LIMCH1: variants seen among roughly 807,000 people sequenced by gnomAD.
LIMCH1 encodes the protein LIM and calponin homology domains 1, also known as LIM and calponin homology domains-containing protein 1.
LIMCH1 carries 113 observed loss-of-function variants against 176.5 expected under a neutral mutation model. The observed-to-expected ratio is 0.64, with a 90% CI of 0.55 to 0.75. The LOEUF (loss-of-function observed/expected upper bound fraction) is 0.75, where lower values mean the gene tolerates loss of function less well. LIMCH1 is among the 30% of genes least tolerant of loss of function. The probability of loss-of-function intolerance (pLI) is 0.00; values close to 1 mark genes in which losing one functional copy is unlikely to be tolerated. For synonymous variants in LIMCH1, 619 were observed against 645.9 expected (o/e 0.96, Z 0.63); for missense variants, 1,674 against 1,814.9 (o/e 0.92, Z 1.41).
At position 41,403,556 on chromosome 4, in the gene LIMCH1, G is replaced by C. The variant is rs138789875; in HGVS notation, c.96+42620G>C. On this transcript the variant is annotated intron_variant, in intron 1 of 26. Coordinates refer to the LIMCH1 transcript ENST00000313860. ...AGATTGTGCCACTGCACTCCAGCCT[G>C]GGTGACACAGTGAGACTCAGTCTCA... Among the ~76,000 whole-genome samples the C allele has an allele frequency of 3.5e-3, 536 of 152,232 alleles. 4 individuals carry two copies. The highest frequency in any genetic ancestry group is 0.012 in the African/African-American group (495 of 41,526).
At chr4:41,420,674 C>T (rs994254130) in intron 1 of LIMCH1, among the ~76,000 whole-genome samples, 3 of 152,204 alleles carry the variant, frequency 2.0e-5, no homozygotes, top group Non-Finnish European at 4.4e-5. Context: ...GCAGGGCCAA[C>T]GTGCTGGCCT....
intron 1 of LIMCH1, among the ~76,000 whole-genome samples, chr4:41,590,534 A>T (rs969585702): frequency 6.6e-6 from 1 of 152,142 alleles, no homozygotes; most frequent in African/African-American, 2.4e-5. Context: ...CCTAAAGAAC[A>T]GTCTAGATCT....
chr4:41,687,710 C>T, intron 28 of LIMCH1, 130 bp from the exon 29 acceptor site: 1 of 566,730 alleles, frequency 1.8e-6, no homozygotes, highest in Non-Finnish European at 3.2e-6. Context: ...CCAGGAAATG[C>T]TGTGGTCTTT....
intron 18 of LIMCH1, among the ~76,000 whole-genome samples, chr4:41,656,077 G>T (rs890279353): frequency 6.6e-6 from 1 of 152,170 alleles, no homozygotes; most frequent in Non-Finnish European, 1.5e-5. Flanking sequence ...CACCTATTGG[G>T]TATCTAAACT....
rs779445737 is a variant in LIMCH1 at position 41,646,942 on chromosome 4, G to A, written c.2820+49G>A. 5 of 1,497,426 alleles carry A rather than the reference G, an allele frequency of 3.3e-6. No homozygotes were observed. The East Asian group carries it at 1.1e-4, about 34-fold the overall frequency. 92.8% of individuals were successfully genotyped at this position (1,497,426 alleles called of 1,614,324 possible). A position where few individuals can be genotyped will look rare whatever the true frequency, so the allele number is the denominator to read the frequency against. On this transcript the variant is annotated intron_variant, in intron 17 of 31. Transcript: ENST00000503057. ...GAACCAAAGCTGAACTCCAGGGAGT[G>A]GATGGAAAGAAGCATCATGACTCAA...
At chr4:41,580,945 A>T (rs2085304145) in intron 1 of LIMCH1, among the ~76,000 whole-genome samples, 2 of 152,190 alleles carry the variant, frequency 1.3e-5, no homozygotes, top group Admixed American at 1.3e-4. Context: ...AATATAAATG[A>T]TCAAAATTGA....
chr4:41,515,097 G>A (rs2075410562), intron 2 of LIMCH1, among the ~76,000 whole-genome samples: 1 of 152,174 alleles, frequency 6.6e-6, no homozygotes, highest in Non-Finnish European at 1.5e-5. Context: ...CCCTTTCTCT[G>A]TAGCTGTTGG....
intron 1 of LIMCH1, among the ~76,000 whole-genome samples, chr4:41,394,162 C>T (rs2057554739): frequency 6.6e-6 from 1 of 152,026 alleles, no homozygotes; most frequent in Non-Finnish European, 1.5e-5. Context: ...AAAATTGGTT[C>T]TGTTTTATGT....
chr4:41,464,719 C>T (rs2065877515), intron 1 of LIMCH1, among the ~76,000 whole-genome samples: 1 of 152,164 alleles, frequency 6.6e-6, no homozygotes, highest in African/African-American at 2.4e-5. Flanking sequence ...CTAACCTCCC[C>T]AGCATTGTCT....
intron 1 of LIMCH1, among the ~76,000 whole-genome samples, chr4:41,460,465 T>TATATATATATATAG (rs2065194706): frequency 7.2e-6 from 1 of 139,110 alleles, no homozygotes; most frequent in Non-Finnish European, 1.5e-5. Flanking sequence ...CATCTATATA[T>TATATATATATATAG]ATATATATAT....
At chr4:41,694,953 C>A (rs554343983) in intron 31 of LIMCH1, among the ~76,000 whole-genome samples, 1 of 152,138 alleles carries the variant, frequency 6.6e-6, no homozygotes, top group African/African-American at 2.4e-5. Flanking sequence ...GGGAAAAAAT[C>A]TCATTGCTTT....
intron 1 of LIMCH1, among the ~76,000 whole-genome samples, chr4:41,442,440 C>T (rs2062804794): frequency 6.6e-6 from 1 of 152,232 alleles, no homozygotes; most frequent in Non-Finnish European, 1.5e-5. Flanking sequence ...CTTTTGTATA[C>T]ATGCTTTGCA....
At chr4:41,369,822 C>G (rs2053673839) in intron 1 of LIMCH1, among the ~76,000 whole-genome samples, 1 of 152,000 alleles carries the variant, frequency 6.6e-6, no homozygotes, top group Admixed American at 6.6e-5. Flanking sequence ...AGCCACATTT[C>G]CCCACTGCCT....
chr4:41,471,779 C>A (rs774143476), intron 1 of LIMCH1, among the ~76,000 whole-genome samples: 1 of 152,148 alleles, frequency 6.6e-6, no homozygotes, highest in African/African-American at 2.4e-5. Flanking sequence ...AGGCTGTGAT[C>A]TACCTTTTTG....
rs756226674 is a variant in LIMCH1 at position 41,687,899 on chromosome 4, C to G, written c.4148C>G (p.Pro1383Arg). ...TTCTCTCCCTGTTCTCCCACCCCTC[C>G]CGGTCAGTCACCAAACAGGTACAAG... ...GPFSPCSPTP[P>R]GQSPNRSISG... Residue 1383 changes from proline (P) to arginine (R), a missense_variant, in exon 29 of 32, where the codon CCC (proline) becomes CGC (arginine). Coordinates refer to ENST00000503057, the MANE Select transcript of LIMCH1 (RefSeq NM_001330672.2). The G allele has an allele frequency of 6.2e-7, 1 of 1,613,370 alleles. No homozygotes were observed. Among genetic ancestry groups the G allele is most frequent in the Non-Finnish European group, 8.5e-7 (1 of 1,179,616 alleles).
At chr4:41,523,055 A>G (rs916542885) in intron 2 of LIMCH1, among the ~76,000 whole-genome samples, 13 of 152,132 alleles carry the variant, frequency 8.5e-5, no homozygotes, top group Admixed American at 6.5e-5. Context: ...CAAAAATGGA[A>G]TATCCTGTCT....
At chr4:41,590,186 AG>A (rs762329130) in intron 1 of LIMCH1, among the ~76,000 whole-genome samples, 1 of 151,998 alleles carries the variant, frequency 6.6e-6, no homozygotes, top group Non-Finnish European at 1.5e-5. Flanking sequence ...TCTGCCTCCC[AG>A]GTTCAAGCCA....
At chr4:41,491,338 C>A (rs2070920739) in intron 1 of LIMCH1, among the ~76,000 whole-genome samples, 1 of 150,124 alleles carries the variant, frequency 6.7e-6, no homozygotes, top group South Asian at 2.1e-4. Flanking sequence ...GTGCTCCTCA[C>A]CTCCCAGACG....
rs186675693 is a variant in LIMCH1, at chr4:41,693,721, T to G, written c.4378+1337T>G. Among the ~76,000 whole-genome samples, 217 of 152,280 alleles carry G rather than the reference T, an allele frequency of 1.4e-3. 1 individual carries two copies. The highest frequency in any genetic ancestry group is 1.3e-3 in the East Asian group (7 of 5,190). ...ACAACTCTTTTCTCCCAGATTTCAATGCGAATTTTCCTATCGTCTTCTATA... is the reference window on the plus strand; with the variant it reads ...ACAACTCTTTTCTCCCAGATTTCAAGGCGAATTTTCCTATCGTCTTCTATA... On this transcript the variant is annotated intron_variant, in intron 31 of 31. Transcript: ENST00000503057.
Sources: allele counts gnomAD v4.1 joint callset (sites outside exome capture counted in the v4.1 genomes callset), GRCh38; gene constraint gnomAD v4.1.1; transcripts MANE v1.5; gene names NCBI Gene and HGNC (gene_info 2026-07-23, HGNC 2026-07-21).